Variants in MLLT10 observed in about 807,000 individuals in gnomAD.
MLLT10 encodes the protein MLLT10 histone lysine methyltransferase DOT1L cofactor.
A neutral mutation model predicts 129.1 loss-of-function variants in MLLT10; 30 were observed. That is an observed-to-expected ratio of 0.23 (90% CI 0.17 to 0.32). The LOEUF is 0.32. MLLT10 is among the 10% of genes least tolerant of loss of function. The probability of loss-of-function intolerance (pLI) is 1.00; values close to 1 mark genes in which losing one functional copy is unlikely to be tolerated. For synonymous variants in MLLT10, 490 were observed against 446.4 expected (o/e 1.10, Z -1.23); for missense variants, 1,119 against 1,268.3 (o/e 0.88, Z 1.79).
At chr10:21,722,978 C>G (rs1467600579) in intron 14 of MLLT10, among the ~76,000 whole-genome samples, 2 of 152,110 alleles carry the variant, frequency 1.3e-5, no homozygotes, top group Non-Finnish European at 2.9e-5. Context: ...CTTTTAATTT[C>G]TCTTTTGAAA....
intron 8 of MLLT10, among the ~76,000 whole-genome samples, chr10:21,650,290 G>A (rs2048895208): frequency 6.6e-6 from 1 of 152,168 alleles, no homozygotes; most frequent in African/African-American, 2.4e-5. Flanking sequence ...GGTTGAGGCT[G>A]TAGTGAGCTG....
rs190825349 is a variant in MLLT10, at chr10:21,555,057, G to A, written c.240+16145G>A. On this transcript the variant is annotated intron_variant, in intron 3 of 22. Transcript: ENST00000307729. Reference sequence around the variant, plus strand: ...GCTGGTCTCGAACTCCTGACCTCAGGTGATCCACCCGCCTTGGCCTCCCGA... The same window carrying A: ...GCTGGTCTCGAACTCCTGACCTCAGATGATCCACCCGCCTTGGCCTCCCGA... 8.8e-3 allele frequency among the ~76,000 whole-genome samples: 1,332 copies of A among 151,456 alleles called. 14 individuals are homozygous for A. Among genetic ancestry groups the A allele is most frequent in the African/African-American group, 0.03 (1,256 of 41,310 alleles).
At chr10:21,609,415 A>C (rs556044384) in intron 5 of MLLT10, among the ~76,000 whole-genome samples, 65 of 152,322 alleles carry the variant, frequency 4.3e-4, no homozygotes, top group Non-Finnish European at 7.1e-4. Flanking sequence ...CAGAGTAACT[A>C]ACTTTTCAGC....
intron 7 of MLLT10, 55 bp from the exon 8 acceptor site, chr10:21,617,057 T>A: frequency 1.2e-6 from 1 of 804,368 alleles, no homozygotes. Flanking sequence ...CAAAAAGATT[T>A]GTTTAAAAAG....
chr10:21,549,093 A>G (rs2036554563), intron 3 of MLLT10, among the ~76,000 whole-genome samples: 1 of 148,806 alleles, frequency 6.7e-6, no homozygotes, highest in Admixed American at 6.7e-5. Flanking sequence ...ACCAGATTAT[A>G]ATGGTTTCTA....
Position 21,552,077 on chromosome 10 carries a change from C to A in MLLT10, c.240+13165C>A, listed in dbSNP as rs371241237. ...AGGTAGCTGGAACTATAGGTACACA[C>A]CGCCATGCCTGTGTAATTTCTACAT... On this transcript the variant is annotated intron_variant, in intron 3 of 22. Transcript: ENST00000307729. 2.6e-5 allele frequency among the ~76,000 whole-genome samples: 4 copies of A among 152,250 alleles called. No individual in the cohort carries two copies. The East Asian group carries it at 7.7e-4, about 29-fold the overall frequency.
chr10:21,553,089 C>T (rs1188147618), intron 3 of MLLT10, among the ~76,000 whole-genome samples: 2 of 152,060 alleles, frequency 1.3e-5, no homozygotes, highest in African/African-American at 2.4e-5. Context: ...TCCCCCTACT[C>T]CCCTGTTTCT....
intron 5 of MLLT10, among the ~76,000 whole-genome samples, chr10:21,610,248 A>G (rs1019460951): frequency 7.2e-5 from 11 of 152,086 alleles, no homozygotes; most frequent in Admixed American, 7.2e-4. Flanking sequence ...TTTTGTGAGG[A>G]TGGGGATCTG....
chr10:21,692,001 C>CAAAAAA (rs929971187), intron 13 of MLLT10, among the ~76,000 whole-genome samples: 2 of 50,154 alleles, frequency 4.0e-5, no homozygotes, highest in Admixed American at 2.6e-4. Context: ...CTCATATCTA[C>CAAAAAA]AAAAAAAAAA....
At position 21,673,539 on chromosome 10, in the gene MLLT10, T is replaced by G. The variant is rs1230441043; in HGVS notation, c.1241T>G (p.Phe414Cys). ...SGSQEGGVNSFSTLIGLPSTS... is the reference protein window; with the variant it reads ...SGSQEGGVNSCSTLIGLPSTS... The stretch of plus-strand genomic sequence containing the variant: ...AGCCAGGAAGGGGGGGTAAATAGTT[T>G]TAGTACCTTAATTGGCCTCCCTTCA... The change falls in exon 11 of 23, where the codon TTT becomes TGT. Residue 414 changes from phenylalanine (F) to cysteine (C), a missense_variant. Physicochemically the swap from Phe to Cys is radical, Grantham distance 205. Coordinates refer to ENST00000307729, the MANE Select transcript of MLLT10 (RefSeq NM_001195626.3). 1 of 1,613,364 alleles carries G rather than the reference T, an allele frequency of 6.2e-7. No individual in the cohort carries two copies. The highest frequency in any genetic ancestry group is 8.5e-7 in the Non-Finnish European group (1 of 1,179,786).
At chr10:21,646,433 G>A (rs2048482090) in intron 8 of MLLT10, among the ~76,000 whole-genome samples, 1 of 150,784 alleles carries the variant, frequency 6.6e-6, no homozygotes, top group East Asian at 1.9e-4. Flanking sequence ...CCTTGCTCTT[G>A]ATTTTCATCA....
intron 8 of MLLT10, among the ~76,000 whole-genome samples, chr10:21,637,997 C>T (rs1564553086): frequency 6.6e-6 from 1 of 152,024 alleles, no homozygotes; most frequent in Admixed American, 6.6e-5. Flanking sequence ...CTGTGGCTTC[C>T]CTTTGTCCTT....
intron 8 of MLLT10, among the ~76,000 whole-genome samples, chr10:21,631,843 C>A (rs751467332): frequency 1.3e-4 from 19 of 150,766 alleles, no homozygotes; most frequent in Non-Finnish European, 1.9e-4. Context: ...TAGGTGAGGA[C>A]ACAGAGCCAA....
intron 8 of MLLT10, among the ~76,000 whole-genome samples, chr10:21,635,168 G>A (rs2047345700): frequency 6.6e-6 from 1 of 152,104 alleles, no homozygotes; most frequent in Non-Finnish European, 1.5e-5. Context: ...TCTCAAATTG[G>A]CTCTCAGTGC....
chr10:21,556,507 C>T, intron 3 of MLLT10: 1 of 632,212 alleles, frequency 1.6e-6, no homozygotes, highest in Non-Finnish European at 2.7e-6. Flanking sequence ...TCTTCAGCTG[C>T]TCCTGGTGTC....
chr10:21,662,396 T>G (rs1246249900), intron 9 of MLLT10, among the ~76,000 whole-genome samples: 1 of 152,148 alleles, frequency 6.6e-6, no homozygotes, highest in Admixed American at 6.5e-5. Flanking sequence ...TTTTGTTTGC[T>G]TTTGTTTTCC....
At chr10:21,684,160 G>A (rs999095471) in intron 13 of MLLT10, among the ~76,000 whole-genome samples, 2 of 152,016 alleles carry the variant, frequency 1.3e-5, no homozygotes, top group African/African-American at 4.8e-5. Context: ...GCAGGCGTGC[G>A]CCACCATGCC....
Position 21,740,219 on chromosome 10 carries a change from G to GCAAGT in MLLT10, c.3148_3152dup (p.Lys1052ValfsTer4). The stretch of plus-strand genomic sequence containing the variant: ...ATTTCTCACCATCCATGGAGATAAT[G>GCAAGT]CAAGTCAGAAAGTAGCAGTAAGTAT... On this transcript the variant is annotated frameshift_variant, in exon 22 of 23. Transcript: ENST00000307729. LOFTEE classifies it high-confidence loss of function. 1 of 1,614,100 alleles carries GCAAGT rather than the reference G, an allele frequency of 6.2e-7. No homozygotes were observed. The highest frequency in any genetic ancestry group is 8.5e-7 in the Non-Finnish European group (1 of 1,179,974).
chr10:21,738,872 A>G (rs993818620), intron 21 of MLLT10, among the ~76,000 whole-genome samples: 2 of 152,100 alleles, frequency 1.3e-5, no homozygotes, highest in Non-Finnish European at 2.9e-5. Flanking sequence ...GTGATCTCTC[A>G]TCACTGTCTG....
Sources: gnomAD v4.1 joint callset for allele counts (sites outside exome capture counted in the v4.1 genomes callset) on GRCh38, gnomAD v4.1.1 for gene constraint, MANE v1.5 for transcripts, NCBI Gene and HGNC (gene_info 2026-07-23, HGNC 2026-07-21) for gene names.